MYT1L: variants seen among roughly 807,000 people sequenced by gnomAD.
MYT1L encodes the protein myelin transcription factor 1-like protein.
Under a neutral mutation model 126.7 loss-of-function variants are expected in MYT1L, and 12 were observed. The observed-to-expected ratio is 0.09, with a 90% CI of 0.06 to 0.15. The LOEUF is 0.15. Ranked by LOEUF, MYT1L falls within the 10% of genes least tolerant of loss-of-function variation. MYT1L has a pLI of 1.00. For missense variants in MYT1L, 979 were observed against 1,585.2 expected (o/e 0.62, Z 6.49); for synonymous variants, 541 against 604.2 (o/e 0.90, Z 1.53).
intron 3 of MYT1L, among the ~76,000 whole-genome samples, chr2:2,104,681 T>C (rs2078529165): frequency 6.6e-6 from 1 of 152,178 alleles, no homozygotes; most frequent in Non-Finnish European, 1.5e-5. Context: ...GCCATCCCTC[T>C]CCAGTTGTAA....
chr2:2,281,594 C>T (rs181960284), intron 2 of MYT1L, among the ~76,000 whole-genome samples: 18 of 152,196 alleles, frequency 1.2e-4, no homozygotes, highest in Middle Eastern at 6.8e-3. Context: ...GATCCAATTA[C>T]CTTGAATGGC....
chr2:2,209,081 C>T (rs1030738520), intron 2 of MYT1L, among the ~76,000 whole-genome samples: 11 of 152,028 alleles, frequency 7.2e-5, no homozygotes, highest in Non-Finnish European at 1.6e-4. Context: ...TTAAAATTGC[C>T]TATGCTTTTT....
At position 1,839,259 on chromosome 2, in the gene MYT1L, C is replaced by A. The variant is rs762215015; in HGVS notation, c.2970G>T (p.Leu990=). Residue 990 remains leucine, a synonymous_variant, in exon 21 of 25, where the codon CTG becomes CTT. Coordinates refer to ENST00000647738, the MANE Select transcript of MYT1L (RefSeq NM_001303052.2). Reference sequence around the variant, plus strand: ...ACTTCCAGGAGAACTGGGAGCCATTCAGGTACCCGTCTTTCTGCCTCTTGG... The same window carrying A: ...ACTTCCAGGAGAACTGGGAGCCATTAAGGTACCCGTCTTTCTGCCTCTTGG... ...LAAKRQKDGY[L]NGSQFSWKSV... 3 of 1,613,822 alleles carry A rather than the reference C, an allele frequency of 1.9e-6. No homozygotes were observed. The highest frequency in any genetic ancestry group is 1.7e-6 in the Non-Finnish European group (2 of 1,179,908).
At chr2:2,029,577 G>C (rs1487762496) in intron 4 of MYT1L, among the ~76,000 whole-genome samples, 2 of 152,228 alleles carry the variant, frequency 1.3e-5, no homozygotes, top group Non-Finnish European at 2.9e-5. Context: ...TTTAAGGTGA[G>C]ACTTGGGTGG....
At position 2,132,592 on chromosome 2, in the gene MYT1L, A is replaced by AG. The variant is rs1433032819; in HGVS notation, c.-304+40279dup. Among the ~76,000 whole-genome samples, 13 of 150,372 alleles carry AG rather than the reference A, an allele frequency of 8.6e-5. No homozygotes were observed. The East Asian group carries it at 2.6e-3, about 30-fold the overall frequency. ...CCTGTCGGGGGGTGGGGGCAAGGGG[A>AG]GGGAGAGCGTTAGAACAAATATCCA... On this transcript the variant is annotated intron_variant, in intron 3 of 24. Coordinates refer to ENST00000647738, the MANE Select transcript of MYT1L (RefSeq NM_001303052.2).
chr2:1,989,992 C>T (rs149667221), intron 5 of MYT1L, among the ~76,000 whole-genome samples: 4 of 152,014 alleles, frequency 2.6e-5, no homozygotes, highest in South Asian at 4.1e-4. Context: ...AGTGAAACTC[C>T]GTCTCAAAAA....
chr2:2,175,523 C>T (rs150381106), intron 2 of MYT1L, among the ~76,000 whole-genome samples: 20 of 152,130 alleles, frequency 1.3e-4, no homozygotes, highest in African/African-American at 3.9e-4. Context: ...GCTTCTTTCT[C>T]AGACGTATAA....
Position 1,917,563 on chromosome 2 carries a change from T to C in MYT1L, c.1484-224A>G, listed in dbSNP as rs2053025042. On this transcript the variant is annotated intron_variant, in intron 10 of 24. Coordinates refer to ENST00000647738, the MANE Select transcript of MYT1L (RefSeq NM_001303052.2). This position sits in a 1 kb window ranked among gnomAD's most constrained non-coding sequence, Gnocchi z 5.9. Reference sequence around the variant, plus strand: ...TCATAAAGTATTTTAATTTTTATTCTAAAGAAAAGAAAAGCCTACCCCTCA... The same window carrying C: ...TCATAAAGTATTTTAATTTTTATTCCAAAGAAAAGAAAAGCCTACCCCTCA... Among the ~76,000 whole-genome samples, 1 of 152,216 alleles carries C rather than the reference T, an allele frequency of 6.6e-6. No individual in the cohort carries two copies. The highest frequency in any genetic ancestry group is 1.5e-5 in the Non-Finnish European group (1 of 68,034).
At chr2:2,159,158 G>A (rs1559177977) in intron 3 of MYT1L, among the ~76,000 whole-genome samples, 1 of 151,896 alleles carries the variant, frequency 6.6e-6, no homozygotes, top group Admixed American at 6.6e-5. Context: ...AAAATACTTG[G>A]TGAAGCAGGG....
intron 3 of MYT1L, among the ~76,000 whole-genome samples, chr2:2,153,202 G>A (rs1335700587): frequency 6.6e-6 from 1 of 152,210 alleles, no homozygotes; most frequent in African/African-American, 2.4e-5. Flanking sequence ...AGGAAGCTGA[G>A]ATGGGAGGAT....
At chr2:2,289,579 G>A (rs1234391801) in intron 1 of MYT1L, among the ~76,000 whole-genome samples, 1 of 152,140 alleles carries the variant, frequency 6.6e-6, no homozygotes, top group Admixed American at 6.5e-5. Flanking sequence ...GTGTTCACTT[G>A]AACAGTCATC....
intron 4 of MYT1L, among the ~76,000 whole-genome samples, chr2:2,026,469 C>G (rs72767346): frequency 0.044 from 6,664 of 152,326 alleles, 215 homozygotes; most frequent in Non-Finnish European, 0.068. Flanking sequence ...CCCAACTGTT[C>G]CGCAGACAGA....
rs752701888 is a variant in MYT1L, at chr2:1,791,303, C to T, written c.*564G>A. ...AAAAAAGTCACATAATATTTCCAAG[C>T]ATTGTTCAAAAATAAAGCATTTTTG... On this transcript the variant is annotated 3_prime_UTR_variant, in exon 25 of 25. Coordinates refer to ENST00000647738, the MANE Select transcript of MYT1L (RefSeq NM_001303052.2). The surrounding 1 kb of genome is among the most constrained non-coding windows in gnomAD (Gnocchi z 6.0). 4.4e-6 allele frequency: 2 copies of T among 458,700 alleles called. No homozygotes were observed. Among genetic ancestry groups the T allele is most frequent in the Non-Finnish European group, 9.0e-6 (2 of 223,266 alleles). 28.4% of individuals were successfully genotyped at this position (458,700 alleles called of 1,614,324 possible).
intron 1 of MYT1L, among the ~76,000 whole-genome samples, chr2:2,306,699 G>A (rs1383691586): frequency 6.6e-6 from 1 of 152,096 alleles, no homozygotes; most frequent in Non-Finnish European, 1.5e-5. Context: ...TCAAATGATG[G>A]TGCTCTGGTC....
chr2:1,886,673 A>G, intron 17 of MYT1L, 66 bp from the exon 18 acceptor site: 1 of 1,144,116 alleles, frequency 8.7e-7, no homozygotes, highest in Non-Finnish European at 1.2e-6. Context: ...AACAAACACA[A>G]CATAAAAACC....
At chr2:2,087,901 G>A (rs2076513552) in intron 3 of MYT1L, among the ~76,000 whole-genome samples, 1 of 152,348 alleles carries the variant, frequency 6.6e-6, no homozygotes, top group South Asian at 2.1e-4. Flanking sequence ...CACCACACGT[G>A]GTCTACTGGG....
chr2:2,308,693 A>G (rs920606014), intron 1 of MYT1L, among the ~76,000 whole-genome samples: 2 of 151,846 alleles, frequency 1.3e-5, no homozygotes, highest in Non-Finnish European at 2.9e-5. Context: ...ACTCTTTAGT[A>G]TACTCTATCT....
At chr2:2,038,522 C>G (rs1319090580) in intron 4 of MYT1L, among the ~76,000 whole-genome samples, 2 of 152,200 alleles carry the variant, frequency 1.3e-5, no homozygotes, top group Non-Finnish European at 2.9e-5. Flanking sequence ...CAGTTCGGCT[C>G]ATCTTGTCTG....
intron 5 of MYT1L, among the ~76,000 whole-genome samples, chr2:1,995,892 CAA>C (rs749520120): frequency 2.0e-5 from 3 of 152,076 alleles, no homozygotes; most frequent in Non-Finnish European, 2.9e-5. Context: ...TGAAGAGCTA[CAA>C]GAGAGAGGAA....
Sources: gnomAD v4.1 joint callset for allele counts (sites outside exome capture counted in the v4.1 genomes callset) on GRCh38, gnomAD v4.1.1 for gene constraint, Gnocchi (gnomAD v3.1) non-coding constraint, MANE v1.5 for transcripts, NCBI Gene and HGNC (gene_info 2026-07-23, HGNC 2026-07-21) for gene names.